Variants in ANKHD1 observed in about 807,000 individuals in gnomAD.
ANKHD1 encodes ankyrin repeat and KH domain-containing protein 1.
A neutral mutation model predicts 230.5 loss-of-function variants in ANKHD1; 31 were observed. That is an observed-to-expected ratio of 0.13 (90% CI 0.10 to 0.18). The LOEUF (loss-of-function observed/expected upper bound fraction) is 0.18, where lower values mean the gene tolerates loss of function less well. Ranked by LOEUF, ANKHD1 falls within the 10% of genes least tolerant of loss-of-function variation. The probability of loss-of-function intolerance (pLI) is 1.00; values close to 1 mark genes in which losing one functional copy is unlikely to be tolerated. For synonymous variants in ANKHD1, 1,074 were observed against 1,117.6 expected (o/e 0.96, Z 0.78); for missense variants, 2,256 against 3,071.3 (o/e 0.73, Z 6.27).
chr5:140,536,831 C>T (rs528250793), intron 30 of ANKHD1, among the ~76,000 whole-genome samples: 3 of 152,214 alleles, frequency 2.0e-5, no homozygotes, highest in African/African-American at 7.2e-5. Flanking sequence ...TGAGACCAGC[C>T]TGACCAACAT....
Position 140,436,203 on chromosome 5 carries a change from C to G in ANKHD1, c.406C>G (p.Arg136Gly), listed in dbSNP as rs770581341. The G allele has an allele frequency of 2.1e-5, 34 of 1,607,252 alleles. No homozygotes were observed. In the South Asian group the frequency reaches 3.7e-4, roughly 17 times the overall value. Residue 136 changes from arginine to glycine, a missense_variant, in exon 2 of 34, where the codon CGC becomes GGC. By Grantham distance (125) the Arg-to-Gly change is moderately radical. This residue lies in a region of ANKHD1 where 193 missense variants were observed against 185.8 expected (regional missense o/e 1.04). Coordinates refer to ENST00000360839, the MANE Select transcript of ANKHD1 (RefSeq NM_017747.3). ...LSSTAEGADLRTVDPETQARL... is the reference protein window; with the variant it reads ...LSSTAEGADLGTVDPETQARL... ...AAGTACTGCAGAAGGAGCAGACTTA[C>G]GCACTGTGGATCCAGAGACACAGGC...
intron 25 of ANKHD1, among the ~76,000 whole-genome samples, chr5:140,525,568 A>G (rs935339802): frequency 2.0e-5 from 3 of 152,172 alleles, no homozygotes; most frequent in Non-Finnish European, 4.4e-5. Context: ...ACCTGGCCAC[A>G]GTAAAAGATT....
chr5:140,457,055 A>G (rs924465811), intron 7 of ANKHD1, among the ~76,000 whole-genome samples: 1 of 152,244 alleles, frequency 6.6e-6, no homozygotes, highest in African/African-American at 2.4e-5. Context: ...ATATGAACAG[A>G]CACTTCTCAA....
chr5:140,449,609 CAG>C (rs1308918306), intron 7 of ANKHD1, among the ~76,000 whole-genome samples: 1 of 148,742 alleles, frequency 6.7e-6, no homozygotes, highest in Non-Finnish European at 1.5e-5. Context: ...TTGCAGTGAG[CAG>C]AGATTGCGCA....
chr5:140,436,295 A>C, intron 2 of ANKHD1, 38 bp downstream of exon 2: 1 of 1,472,070 alleles, frequency 6.8e-7, no homozygotes, highest in Non-Finnish European at 9.0e-7. Flanking sequence ...CATATCTTTA[A>C]AAGTCTAGAT....
At chr5:140,435,346 T>G (rs1446358387) in intron 1 of ANKHD1, among the ~76,000 whole-genome samples, 1 of 152,094 alleles carries the variant, frequency 6.6e-6, no homozygotes, top group Non-Finnish European at 1.5e-5. Context: ...TTCTCAGGGT[T>G]ATGTTCATGT....
rs1751328480 is a variant in ANKHD1 at position 140,482,498 on chromosome 5, T to C, written c.1783-82T>C. 2.0e-6 allele frequency: 3 copies of C among 1,478,572 alleles called. No homozygotes were observed. In the African/African-American group the frequency reaches 4.2e-5, roughly 21 times the overall value. The allele number at this position is 1,478,572 out of a possible 1,614,324, so 91.6% of individuals were successfully genotyped here. A position where few individuals can be genotyped will look rare whatever the true frequency, so the allele number is the denominator to read the frequency against. ...AGTAAGTATATTAAATCCTCGTTAT[T>C]TCTCATTTCATCAGTACTGTTTTTA... On this transcript the variant is annotated intron_variant, in intron 10 of 33. Transcript: ENST00000360839.
At chr5:140,482,742 A>T (rs1489462576) in intron 11 of ANKHD1, 75 bp downstream of exon 11, 2 of 1,504,010 alleles carry the variant, frequency 1.3e-6, no homozygotes, top group Non-Finnish European at 9.0e-7. Flanking sequence ...GTTGCAATTT[A>T]TGTTATGGCT....
At chr5:140,460,963 CTG>C (rs1194892262) in intron 9 of ANKHD1, among the ~76,000 whole-genome samples, 5 of 152,120 alleles carry the variant, frequency 3.3e-5, no homozygotes, top group African/African-American at 9.7e-5. Context: ...TTTTTAGTAA[CTG>C]TGTCCTATTC....
chr5:140,435,998 G>T, intron 1 of ANKHD1, 106 bp from the exon 2 acceptor site: 1 of 1,304,930 alleles, frequency 7.7e-7, no homozygotes. Flanking sequence ...TAATTTTTCT[G>T]CTTATATTTA....
chr5:140,413,653 C>T (rs1406466903), intron 1 of ANKHD1, among the ~76,000 whole-genome samples: 1 of 152,052 alleles, frequency 6.6e-6, no homozygotes, highest in African/African-American at 2.4e-5. Flanking sequence ...CCAGTTGTTG[C>T]TTGTGTCAAA....
At position 140,487,054 on chromosome 5, in the gene ANKHD1, C is replaced by A; in HGVS notation, c.2239C>A (p.Gln747Lys). The change falls in exon 14 of 34, where the codon CAA (glutamine) becomes AAA (lysine). Residue 747 changes from glutamine (Q) to lysine (K), a missense_variant. Gln to Lys is a moderately conservative substitution (Grantham distance 53, BLOSUM62 1). Around this residue, in one of 13 missense-constraint regions of ANKHD1, gnomAD observed 358 missense variants for 397.7 expected, o/e 0.90. Coordinates refer to ENST00000360839, the MANE Select transcript of ANKHD1 (RefSeq NM_017747.3). ...QENSPALLGVQKGTSKQKSSS... is the reference protein window; with the variant it reads ...QENSPALLGVKKGTSKQKSSS... The stretch of plus-strand genomic sequence containing the variant: ...GAACTCTCCTGCCCTTTTAGGAGTG[C>A]AAAAAGGTTAGTTATTGAATTATTT... The A allele has an allele frequency of 6.2e-7, 1 of 1,606,840 alleles. No individual in the cohort carries two copies. Among genetic ancestry groups the A allele is most frequent in the Admixed American group, 1.7e-5 (1 of 57,970 alleles).
intron 7 of ANKHD1, among the ~76,000 whole-genome samples, chr5:140,456,878 GCTT>G (rs1296518930): frequency 6.6e-6 from 1 of 152,140 alleles, no homozygotes; most frequent in African/African-American, 2.4e-5. Flanking sequence ...AAACTAAAGA[GCTT>G]CTGCACAGCA....
rs1753709569 is a variant in ANKHD1 at position 140,528,949 on chromosome 5, C to T, written c.6003C>T (p.Thr2001=). The change falls in exon 29 of 34, where the codon ACC becomes ACT. Residue 2001 remains threonine, a synonymous_variant. Transcript: ENST00000360839. ...CTATCACTAGCGGGCAAGCTCCCAC[C>T]ACATTTCTACCTGCAAGTACTTCTC... The part of the protein sequence containing the change: ...SAPITSGQAP[T]TFLPASTSQA... The T allele has an allele frequency of 1.9e-6, 3 of 1,614,210 alleles. No homozygotes were observed. Among genetic ancestry groups the T allele is most frequent in the Non-Finnish European group, 2.5e-6 (3 of 1,180,050 alleles).
chr5:140,491,158 A>AT lies in ANKHD1; in HGVS notation c.2245+4099dup, dbSNP rs1470465560. Reference sequence around the variant, plus strand: ...TATACACATATATATATATATATATATATTTTTTTTTTTTTTTTTTTTTGA... The same window carrying AT: ...TATACACATATATATATATATATATATTATTTTTTTTTTTTTTTTTTTTTGA... On this transcript the variant is annotated intron_variant, in intron 14 of 33. Transcript: ENST00000360839. Among the ~76,000 whole-genome samples, 181 of 83,368 alleles carry AT rather than the reference A, an allele frequency of 2.2e-3. 3 individuals are homozygous for AT. Among genetic ancestry groups the AT allele is most frequent in the Middle Eastern group, 8.9e-3 (1 of 112 alleles). The allele number at this position is 83,368 out of a possible 152,430, so 54.7% of individuals were successfully genotyped here.
intron 29 of ANKHD1, among the ~76,000 whole-genome samples, chr5:140,531,984 G>A (rs1753848059): frequency 6.6e-6 from 1 of 152,072 alleles, no homozygotes; most frequent in Non-Finnish European, 1.5e-5. Flanking sequence ...CGAGGTGGTT[G>A]GATCATGAGA....
Position 140,529,787 on chromosome 5 carries a change from A to C in ANKHD1, c.6841A>C (p.Ser2281Arg), listed in dbSNP as rs753899158. 5 of 1,613,842 alleles carry C rather than the reference A, an allele frequency of 3.1e-6. No individual in the cohort carries two copies. The South Asian group carries it at 5.5e-5, about 18-fold the overall frequency. The change falls in exon 29 of 34, where the codon AGT becomes CGT. Residue 2281 changes from serine to arginine, a missense_variant. This residue lies in a region of ANKHD1 where 778 missense variants were observed against 966.5 expected (regional missense o/e 0.80). Coordinates refer to ENST00000360839, the MANE Select transcript of ANKHD1 (RefSeq NM_017747.3). ...ACCACCTTCCCAGCGAGTTTCTACT[A>C]GTCCAGTTGGTAAGTTATTAACTAT... ...FRPPSQRVST[S>R]PVGLPSIDPS... is the part of the protein sequence containing the mutation.
intron 29 of ANKHD1, among the ~76,000 whole-genome samples, chr5:140,533,753 G>GTTC (rs1753943498): frequency 7.5e-6 from 1 of 133,530 alleles, no homozygotes; most frequent in African/African-American, 2.8e-5. Flanking sequence ...TCTAGCCTGA[G>GTTC]TGAGAGAGCA....
At chr5:140,482,814 A>G (rs897563556) in intron 11 of ANKHD1, 147 bp downstream of exon 11, 3 of 863,748 alleles carry the variant, frequency 3.5e-6, no homozygotes, top group South Asian at 4.0e-5. Flanking sequence ...TTTAGTAAGC[A>G]TAGAGTTTGT....
Sources: allele counts gnomAD v4.1 joint callset (sites outside exome capture counted in the v4.1 genomes callset), GRCh38; gene constraint gnomAD v4.1.1; regional missense constraint gnomAD v4.1.1; transcripts MANE v1.5; gene names NCBI Gene and HGNC (gene_info 2026-07-23, HGNC 2026-07-21).